UPRT: variants seen among roughly 807,000 people sequenced by gnomAD.
The protein encoded by UPRT is RP11-311P8.3.
A neutral mutation model predicts 22.6 loss-of-function variants in UPRT; 5 were observed. The observed-to-expected ratio is 0.22, with a 90% CI of 0.12 to 0.47. The LOEUF is 0.47. Ranked by LOEUF, UPRT falls within the 20% of genes least tolerant of loss-of-function variation. UPRT has a pLI of 0.99. For missense variants in UPRT, 181 were observed against 239.9 expected (o/e 0.75, Z 1.62); for synonymous variants, 77 against 87.7 (o/e 0.88, Z 0.68).
chrX:75,274,067 T>G, upstream of UPRT: 1 of 525,805 alleles, frequency 1.9e-6, no homozygotes, highest in Admixed American at 4.4e-5. Flanking sequence ...GTACGTCTGG[T>G]GTGGGCGGGA....
chrX:75,235,365 G>A (rs1338514551), intron 4 of UPRT, among the ~76,000 whole-genome samples: 30 of 111,577 alleles, frequency 2.7e-4, no homozygotes, highest in African/African-American at 9.5e-4. Context: ...GGTAGAAGGA[G>A]GAACTGGTAC....
upstream of UPRT, chrX:75,274,042 G>A: frequency 2.2e-6 from 1 of 445,964 alleles, no homozygotes; most frequent in Non-Finnish European, 3.6e-6. Context: ...AGCCAATAGG[G>A]TGTCTAGGCA....
intron 4 of UPRT, among the ~76,000 whole-genome samples, chrX:75,265,993 T>C (rs1445206448): frequency 9.0e-6 from 1 of 111,065 alleles, no homozygotes; most frequent in Non-Finnish European, 1.9e-5. Flanking sequence ...AGAATCAATA[T>C]TGTGAAAATG....
chrX:75,178,843 T>C (rs1346919548), intron 4 of UPRT, among the ~76,000 whole-genome samples: 1 of 111,281 alleles, frequency 9.0e-6, no homozygotes, highest in African/African-American at 3.3e-5. Flanking sequence ...GCTTCCACAG[T>C]GTGGAAGGGG....
At chrX:75,238,454 C>T (rs1478124623) in intron 4 of UPRT, among the ~76,000 whole-genome samples, 1 of 111,354 alleles carries the variant, frequency 9.0e-6, no homozygotes, top group Non-Finnish European at 1.9e-5. Flanking sequence ...ACATATGCAC[C>T]TAACACTGGA....
At chrX:75,230,271 G>A (rs2082434231) in intron 4 of UPRT, among the ~76,000 whole-genome samples, 1 of 111,448 alleles carries the variant, frequency 9.0e-6, no homozygotes, top group African/African-American at 3.3e-5. Flanking sequence ...TCCACTCAGG[G>A]AGAGTCTGAT....
chrX:75,266,043 C>T (rs897474237), intron 4 of UPRT, among the ~76,000 whole-genome samples: 50 of 111,100 alleles, frequency 4.5e-4, no homozygotes, highest in Non-Finnish European at 7.4e-4. Flanking sequence ...CAATGCCATC[C>T]CCATCAAGCT....
intron 4 of UPRT, among the ~76,000 whole-genome samples, chrX:75,249,691 A>C (rs2082521455): frequency 9.0e-6 from 1 of 111,428 alleles, no homozygotes; most frequent in Admixed American, 9.6e-5. Context: ...AATTGAACTC[A>C]GCTCTGCACC....
intron 1 of UPRT, among the ~76,000 whole-genome samples, chrX:75,280,496 CA>C (rs1221690968): frequency 8.9e-6 from 1 of 111,828 alleles, no homozygotes; most frequent in Non-Finnish European, 1.9e-5. Flanking sequence ...TGTGGTTAGC[CA>C]ATTATCCCAG....
At chrX:75,279,099 T>C (rs2082642920) in intron 1 of UPRT, among the ~76,000 whole-genome samples, 1 of 111,196 alleles carries the variant, frequency 9.0e-6, no homozygotes, top group Non-Finnish European at 1.9e-5. Flanking sequence ...GTGTTTAGAC[T>C]GGGCCATTGC....
intron 4 of UPRT, among the ~76,000 whole-genome samples, chrX:75,214,624 T>G (rs141888954): frequency 0.012 from 1,334 of 112,505 alleles, 14 homozygotes; most frequent in Middle Eastern, 0.014. Context: ...GTACTTAAAA[T>G]TTTAGCTAGG....
intron 4 of UPRT, among the ~76,000 whole-genome samples, chrX:75,233,543 C>T (rs941274719): frequency 5.4e-5 from 6 of 110,163 alleles, no homozygotes; most frequent in African/African-American, 1.6e-4. Context: ...AGAGAAAGGT[C>T]GGGTTACCCT....
Position 75,274,605 on chromosome X carries a change from T to G in UPRT, c.351T>G (p.Asp117Glu). 8.3e-7 allele frequency: 1 copy of G among 1,206,144 alleles called. No individual in the cohort carries two copies. ...AGCTTAAGCTGCTGCCTATGAATGATCAGATACGGGAGCTACAGACCATCA... is the reference window on the plus strand; with the variant it reads ...AGCTTAAGCTGCTGCCTATGAATGAGCAGATACGGGAGCTACAGACCATCA... ...GAQLKLLPMN[D>E]QIRELQTIIR... The change falls in exon 1 of 7, where the codon GAT (aspartate) becomes GAG (glutamate). Residue 117 changes from aspartate (D) to glutamate (E), a missense_variant. Transcript: ENST00000373383.
At chrX:75,173,723 C>A (rs1012435429) in intron 4 of UPRT, among the ~76,000 whole-genome samples, 1 of 112,262 alleles carries the variant, frequency 8.9e-6, no homozygotes, top group Non-Finnish European at 1.9e-5. Context: ...TGGCAGACTG[C>A]AGGTCCTGAG....
intron 1 of UPRT, among the ~76,000 whole-genome samples, chrX:75,277,060 G>A (rs931101926): frequency 5.3e-4 from 60 of 112,258 alleles, no homozygotes; most frequent in Middle Eastern, 9.2e-3. Flanking sequence ...AGGTTCATCC[G>A]TGTGGGATCT....
At chrX:75,280,375 G>A (rs955778937) in intron 1 of UPRT, among the ~76,000 whole-genome samples, 1 of 111,819 alleles carries the variant, frequency 8.9e-6, no homozygotes, top group Non-Finnish European at 1.9e-5. Flanking sequence ...GTAAGCCAAA[G>A]TTATCTTCTA....
chrX:75,283,995 A>G (rs1372182553), intron 1 of UPRT, among the ~76,000 whole-genome samples: 1 of 111,393 alleles, frequency 9.0e-6, no homozygotes, highest in Non-Finnish European at 1.9e-5. Flanking sequence ...ATATTTTCTT[A>G]TTCTTTTTTC....
chrX:75,215,346 C>A lies in UPRT; in HGVS notation c.-447+47467C>A, dbSNP rs183075442. 4.6e-3 allele frequency among the ~76,000 whole-genome samples: 515 copies of A among 110,814 alleles called. 5 individuals are homozygous for A. The highest frequency in any genetic ancestry group is 5.4e-3 in the Non-Finnish European group (284 of 52,922). ...GGAAGCAAATTAAATCCAAAGTTAGCAGAAGAAAAGAAATAATACAGATCA... is the reference window on the plus strand; with the variant it reads ...GGAAGCAAATTAAATCCAAAGTTAGAAGAAGAAAAGAAATAATACAGATCA... On this transcript the variant is annotated intron_variant, in intron 4 of 13. Transcript: ENST00000652605.
At chrX:75,218,946 A>C (rs915080234) in intron 4 of UPRT, among the ~76,000 whole-genome samples, 2 of 110,853 alleles carry the variant, frequency 1.8e-5, no homozygotes, top group African/African-American at 6.6e-5. Context: ...CTAAATAATG[A>C]GTTAATGGGT....
Sources: allele counts gnomAD v4.1 joint callset (sites outside exome capture counted in the v4.1 genomes callset), GRCh38; gene constraint gnomAD v4.1.1; transcripts MANE v1.5; gene names NCBI Gene and HGNC (gene_info 2026-07-23, HGNC 2026-07-21).